Variants in NBEA observed in about 807,000 individuals in gnomAD.
NBEA encodes neurobeachin, also known as lysosomal-trafficking regulator 2.
In NBEA, 44 loss-of-function variants were observed where a neutral mutation model predicts 343.4. The observed-to-expected ratio is 0.13, with a 90% CI of 0.10 to 0.16. NBEA has a LOEUF of 0.16. Among genes scored for constraint, NBEA ranks in the 10% least tolerant of loss-of-function variants. The pLI, the probability that NBEA is intolerant of heterozygous loss-of-function variation, is 1.00. For missense variants in NBEA, 2,555 were observed against 3,631.3 expected, an observed-to-expected ratio of 0.70 and a Z score of 7.62; for synonymous variants, 1,175 against 1,238.7, an observed-to-expected ratio of 0.95 and a Z score of 1.08.
intron 35 of NBEA, among the ~76,000 whole-genome samples, chr13:35,296,480 C>A (rs1472217361): frequency 6.6e-6 from 1 of 151,426 alleles, no homozygotes; most frequent in Non-Finnish European, 1.5e-5. Context: ...AAATCAATAA[C>A]CCTAGGCCAT....
At chr13:35,018,246 C>G (rs2061719314) in intron 1 of NBEA, among the ~76,000 whole-genome samples, 1 of 151,930 alleles carries the variant, frequency 6.6e-6, no homozygotes. Context: ...TTTTGAATTT[C>G]CATATACGTT....
At chr13:35,389,612 A>G (rs929291296) in intron 38 of NBEA, among the ~76,000 whole-genome samples, 3 of 152,252 alleles carry the variant, frequency 2.0e-5, no homozygotes, top group East Asian at 1.9e-4. Flanking sequence ...GAATGCTTCA[A>G]AGGTCACAGA....
At chr13:35,304,378 G>A (rs527334550) in intron 35 of NBEA, among the ~76,000 whole-genome samples, 56 of 151,042 alleles carry the variant, frequency 3.7e-4, no homozygotes, top group Non-Finnish European at 6.3e-4. Flanking sequence ...TGTGTGTGAC[G>A]GAGTCTTGGG....
At chr13:34,981,319 T>G (rs1262962089) in intron 1 of NBEA, among the ~76,000 whole-genome samples, 1 of 152,214 alleles carries the variant, frequency 6.6e-6, no homozygotes. Flanking sequence ...TTGTTTCTAA[T>G]TTTTGGCTTT....
intron 10 of NBEA, among the ~76,000 whole-genome samples, chr13:35,097,449 AT>A (rs966064911): frequency 6.6e-6 from 1 of 151,970 alleles, no homozygotes; most frequent in African/African-American, 2.4e-5. Flanking sequence ...GTCTATAACA[AT>A]TTATTTTGAG....
At chr13:35,122,750 T>C (rs2066875749) in intron 16 of NBEA, among the ~76,000 whole-genome samples, 1 of 152,258 alleles carries the variant, frequency 6.6e-6, no homozygotes, top group Middle Eastern at 3.4e-3. Context: ...AACCAGGAAT[T>C]GTAGGGCTGT....
intron 38 of NBEA, among the ~76,000 whole-genome samples, chr13:35,385,722 AT>A (rs2042215114): frequency 6.6e-6 from 1 of 152,204 alleles, no homozygotes; most frequent in Non-Finnish European, 1.5e-5. Context: ...TAATAAAAAA[AT>A]AAAAATAAAA....
At chr13:35,223,900 ACT>A (rs771247074) in intron 33 of NBEA, among the ~76,000 whole-genome samples, 3 of 152,060 alleles carry the variant, frequency 2.0e-5, no homozygotes, top group South Asian at 2.1e-4. Flanking sequence ...CTTATTGGAG[ACT>A]CTGTTAGAAA....
intron 10 of NBEA, among the ~76,000 whole-genome samples, chr13:35,071,348 A>G (rs188246264): frequency 1.7e-4 from 26 of 152,144 alleles, no homozygotes; most frequent in Non-Finnish European, 3.8e-4. Flanking sequence ...CCTTATTTAT[A>G]TATAGTTTAT....
At chr13:35,425,283 T>G (rs906271688) in intron 38 of NBEA, among the ~76,000 whole-genome samples, 9 of 152,330 alleles carry the variant, frequency 5.9e-5, no homozygotes, top group African/African-American at 1.9e-4. Flanking sequence ...TGTGGGCATT[T>G]AGTGCTATAA....
intron 10 of NBEA, among the ~76,000 whole-genome samples, chr13:35,097,391 T>C (rs1326779791): frequency 6.6e-6 from 1 of 151,936 alleles, no homozygotes; most frequent in Non-Finnish European, 1.5e-5. Flanking sequence ...TTATGGTATA[T>C]TATAAAACAT....
intron 35 of NBEA, among the ~76,000 whole-genome samples, chr13:35,308,790 A>G (rs1350933103): frequency 6.6e-6 from 1 of 150,696 alleles, no homozygotes; most frequent in Non-Finnish European, 1.5e-5. Context: ...TATATTCTAA[A>G]TGTGCTTTAG....
intron 31 of NBEA, among the ~76,000 whole-genome samples, chr13:35,207,040 C>A (rs1406904268): frequency 6.6e-6 from 1 of 151,648 alleles, no homozygotes; most frequent in Non-Finnish European, 1.5e-5. Context: ...AAGAAAGTAC[C>A]TAGAAGGAGA....
chr13:35,000,593 A>AATAC (rs1555271796), intron 1 of NBEA, among the ~76,000 whole-genome samples: 8 of 147,758 alleles, frequency 5.4e-5, no homozygotes, highest in African/African-American at 2.0e-4. Context: ...TAATATATAT[A>AATAC]ACACACACAC....
intron 47 of NBEA, among the ~76,000 whole-genome samples, chr13:35,602,405 T>G (rs2082094254): frequency 6.6e-6 from 1 of 152,202 alleles, no homozygotes; most frequent in Admixed American, 6.5e-5. Flanking sequence ...TGATTTCACT[T>G]CCTCTACTAT....
intron 38 of NBEA, among the ~76,000 whole-genome samples, chr13:35,414,823 T>C (rs2043805662): frequency 1.3e-5 from 2 of 152,214 alleles, no homozygotes; most frequent in African/African-American, 4.8e-5. Flanking sequence ...TCCACAATGG[T>C]TGAACTAGTT....
At chr13:35,107,537 C>G (rs1268048915) in intron 11 of NBEA, among the ~76,000 whole-genome samples, 14 of 151,990 alleles carry the variant, frequency 9.2e-5, no homozygotes, top group Non-Finnish European at 2.9e-5. Context: ...AATGTTTTAT[C>G]TGCCCCATAG....
At chr13:35,435,131 C>T (rs1438793802) in intron 39 of NBEA, among the ~76,000 whole-genome samples, 3 of 152,058 alleles carry the variant, frequency 2.0e-5, no homozygotes, top group Admixed American at 2.0e-4. Flanking sequence ...TGGGTTCAAG[C>T]GATTCTTCTG....
At chr13:35,480,074 A>AC (rs2076060773) in intron 41 of NBEA, among the ~76,000 whole-genome samples, 1 of 150,770 alleles carries the variant, frequency 6.6e-6, no homozygotes, top group Non-Finnish European at 1.5e-5. Context: ...AAAAAAAAAA[A>AC]GCAATAAGGA....
Sources: gnomAD v4.1 joint callset for allele counts (sites outside exome capture counted in the v4.1 genomes callset) on GRCh38, gnomAD v4.1.1 for gene constraint, MANE v1.5 for transcripts, NCBI Gene and HGNC (gene_info 2026-07-23, HGNC 2026-07-21) for gene names.